LDB2: variants seen among roughly 807,000 people sequenced by gnomAD.
The protein encoded by LDB2 is LIM domain binding 2.
In LDB2, 12 loss-of-function variants were observed where a neutral mutation model predicts 44.3. The observed-to-expected ratio is 0.27, with a 90% confidence interval of 0.17 to 0.44. LDB2 has a LOEUF of 0.44. Among genes scored for constraint, LDB2 ranks in the 20% least tolerant of loss-of-function variants. The pLI is 1.00. For synonymous variants in LDB2, 164 were observed against 174.8 expected, an observed-to-expected ratio of 0.94 and a Z score of 0.49; for missense variants, 344 against 473.5, an observed-to-expected ratio of 0.73 and a Z score of 2.54.
chr4:16,762,884 G>A (rs1484835462), intron 1 of LDB2, among the ~76,000 whole-genome samples: 1 of 152,162 alleles, frequency 6.6e-6, no homozygotes, highest in Non-Finnish European at 1.5e-5. Flanking sequence ...GAATGTCTAT[G>A]AGCAGTGTTA....
intron 3 of LDB2, among the ~76,000 whole-genome samples, chr4:16,592,467 T>TACAC (rs1553917139): frequency 2.6e-5 from 1 of 38,526 alleles, no homozygotes; most frequent in African/African-American, 1.1e-4. Flanking sequence ...TATACATACA[T>TACAC]ATATATATAT....
intron 1 of LDB2, among the ~76,000 whole-genome samples, chr4:16,846,189 C>T (rs1786962049): frequency 6.6e-6 from 1 of 151,916 alleles, no homozygotes; most frequent in East Asian, 1.9e-4. Context: ...AACTCTCAGA[C>T]TTTTTCTATG....
intron 2 of LDB2, among the ~76,000 whole-genome samples, chr4:16,699,126 G>A (rs568301289): frequency 3.9e-5 from 6 of 152,328 alleles, no homozygotes; most frequent in Admixed American, 6.5e-5. Context: ...AAAATAAAGA[G>A]AGGTCAAGAG....
At chr4:16,615,667 G>A (rs980409794) in intron 2 of LDB2, among the ~76,000 whole-genome samples, 2 of 152,064 alleles carry the variant, frequency 1.3e-5, no homozygotes, top group Non-Finnish European at 2.9e-5. Context: ...AACCACCATG[G>A]CACACATATA....
chr4:16,773,998 C>CAAAAAAAAAAAAAAA (rs60133554), intron 1 of LDB2, among the ~76,000 whole-genome samples: 1 of 128,360 alleles, frequency 7.8e-6, no homozygotes, highest in African/African-American at 3.0e-5. Flanking sequence ...ACTAAAAATA[C>CAAAAAAAAAAAAAAA]AAAAAAAATA....
chr4:16,698,002 G>A (rs1296760806), intron 2 of LDB2, among the ~76,000 whole-genome samples: 1 of 152,140 alleles, frequency 6.6e-6, no homozygotes, highest in East Asian at 1.9e-4. Flanking sequence ...TCCATTTTGT[G>A]TGTGTATTCG....
intron 1 of LDB2, among the ~76,000 whole-genome samples, chr4:16,793,135 G>A (rs1454375301): frequency 4.6e-5 from 7 of 152,200 alleles, no homozygotes; most frequent in East Asian, 3.8e-4. Flanking sequence ...ATTTCTAAGT[G>A]TGCTAAATAG....
At chr4:16,575,703 A>G (rs1381548240) in intron 5 of LDB2, among the ~76,000 whole-genome samples, 1 of 152,254 alleles carries the variant, frequency 6.6e-6, no homozygotes, top group Non-Finnish European at 1.5e-5. Context: ...CTCCTGAATG[A>G]CCAGTGGATC....
intron 2 of LDB2, among the ~76,000 whole-genome samples, chr4:16,600,589 G>T (rs895328531): frequency 6.6e-6 from 1 of 152,144 alleles, no homozygotes; most frequent in Non-Finnish European, 1.5e-5. Flanking sequence ...CACTTTATAG[G>T]TAAATATGAT....
Position 16,719,553 on chromosome 4 carries a change from A to G in LDB2, c.235+39605T>C, listed in dbSNP as rs560073171. ...TTTTGAAGATGCTAAAGTGTCTTAG[A>G]ATCCTATCTTTCTTGTTCCTGGACC... On this transcript the variant is annotated intron_variant, in intron 2 of 7. Transcript: ENST00000304523. Among the ~76,000 whole-genome samples the G allele has an allele frequency of 5.9e-5, 9 of 152,184 alleles. 1 individual carries two copies. Among genetic ancestry groups the G allele is most frequent in the African/African-American group, 2.2e-4 (9 of 41,526 alleles).
chr4:16,887,293 A>G (rs1301281187), intron 1 of LDB2, among the ~76,000 whole-genome samples: 1 of 152,082 alleles, frequency 6.6e-6, no homozygotes, highest in Non-Finnish European at 1.5e-5. Flanking sequence ...GCTTAGTCCA[A>G]GTTAGCCCCG....
chr4:16,577,775 C>T (rs1339682198), intron 5 of LDB2, among the ~76,000 whole-genome samples: 1 of 151,976 alleles, frequency 6.6e-6, no homozygotes, highest in Non-Finnish European at 1.5e-5. Context: ...TTATCCTGAA[C>T]AAAAGGAGCA....
intron 1 of LDB2, among the ~76,000 whole-genome samples, chr4:16,787,341 G>A (rs987551765): frequency 2.6e-5 from 4 of 152,134 alleles, no homozygotes; most frequent in Admixed American, 1.3e-4. Flanking sequence ...CACTGGGCAC[G>A]GTGGCTCACT....
intron 1 of LDB2, among the ~76,000 whole-genome samples, chr4:16,815,583 G>C (rs2109907360): frequency 6.6e-6 from 1 of 152,230 alleles, no homozygotes; most frequent in Non-Finnish European, 1.5e-5. Context: ...ATAGGCTGTA[G>C]TCTGTCTTAC....
At chr4:16,897,004 T>A (rs981688866) in intron 1 of LDB2, among the ~76,000 whole-genome samples, 1 of 152,340 alleles carries the variant, frequency 6.6e-6, no homozygotes, top group South Asian at 2.1e-4. Flanking sequence ...GCGTCTATGG[T>A]GTATTAACAT....
rs1367479090 is a variant in LDB2, at chr4:16,533,825, T to G, written c.616-21721A>C. On this transcript the variant is annotated intron_variant, in intron 5 of 7. Transcript: ENST00000304523. The surrounding 1 kb of genome is among the most constrained non-coding windows in gnomAD (Gnocchi z 4.1). ...CAAAGGGAATACAGATTAATGCCTC[T>G]AAGCAAGAGAGTATTTAATGCTTCC... Among the ~76,000 whole-genome samples the G allele has an allele frequency of 6.6e-6, 1 of 152,234 alleles. No homozygotes were observed. Among genetic ancestry groups the G allele is most frequent in the Non-Finnish European group, 1.5e-5 (1 of 68,044 alleles).
At chr4:16,790,253 G>A (rs1469552776) in intron 1 of LDB2, among the ~76,000 whole-genome samples, 2 of 152,184 alleles carry the variant, frequency 1.3e-5, no homozygotes, top group Non-Finnish European at 2.9e-5. Context: ...AAACTCTTAA[G>A]GCAGGAAGGC....
chr4:16,766,107 T>C lies in LDB2; in HGVS notation c.133-6847A>G, dbSNP rs148287079. ...TTTCCTTTTCTAAAGTAATTAAATG[T>C]TACAAATATAAATAAATGTTCTGGG... On this transcript the variant is annotated intron_variant, in intron 1 of 7. Coordinates refer to ENST00000304523, the MANE Select transcript of LDB2 (RefSeq NM_001290.5). Among the ~76,000 whole-genome samples the C allele has an allele frequency of 1.7e-3, 264 of 152,280 alleles. 2 individuals carry two copies. Among genetic ancestry groups the C allele is most frequent in the African/African-American group, 6.1e-3 (253 of 41,576 alleles).
intron 2 of LDB2, among the ~76,000 whole-genome samples, chr4:16,659,482 C>T (rs191716703): frequency 5.3e-5 from 8 of 151,914 alleles, no homozygotes; most frequent in Admixed American, 5.2e-4. Flanking sequence ...TTGCTCATAA[C>T]TCAAAGACCA....
Sources: allele counts gnomAD v4.1 joint callset (sites outside exome capture counted in the v4.1 genomes callset), GRCh38; gene constraint gnomAD v4.1.1; non-coding constraint Gnocchi (gnomAD v3.1); transcripts MANE v1.5; gene names NCBI Gene and HGNC (gene_info 2026-07-23, HGNC 2026-07-21).